KIF18A: variants seen among roughly 807,000 people sequenced by gnomAD.
KIF18A encodes kinesin-like protein KIF18A.
In KIF18A, 67 loss-of-function variants were observed where a neutral mutation model predicts 103.3. The observed-to-expected ratio is 0.65, with a 90% CI of 0.53 to 0.79. The LOEUF (loss-of-function observed/expected upper bound fraction) is 0.79, where lower values mean the gene tolerates loss of function less well. KIF18A is among the 30% of genes least tolerant of loss of function. The pLI is 0.00. For missense variants in KIF18A, 1,032 were observed against 1,062.5 expected (o/e 0.97, Z 0.40); for synonymous variants, 367 against 355.5 (o/e 1.03, Z -0.36).
rs757148003 is a variant in KIF18A, at chr11:28,055,836, G to T, written c.1948+3090C>A. ...TGCATATGAGGAATTAAGACCACAT[G>T]CAAGAAAATCAGTCTAAACAGATCC... On this transcript the variant is annotated intron_variant, in intron 13 of 16. Coordinates refer to ENST00000263181, the MANE Select transcript of KIF18A (RefSeq NM_031217.4). Among the ~76,000 whole-genome samples, 4 of 152,254 alleles carry T rather than the reference G, an allele frequency of 2.6e-5. No homozygotes were observed. The South Asian group carries it at 6.2e-4, about 24-fold the overall frequency.
intron 13 of KIF18A, among the ~76,000 whole-genome samples, chr11:28,052,944 A>G (rs1050333777): frequency 6.6e-6 from 1 of 152,188 alleles, no homozygotes; most frequent in African/African-American, 2.4e-5. Flanking sequence ...AAAAAAACAC[A>G]CTCAACTATA....
At chr11:28,036,745 A>T in intron 13 of KIF18A, 81 bp from the exon 14 acceptor site, 1 of 784,752 alleles carries the variant, frequency 1.3e-6, no homozygotes, top group Non-Finnish European at 1.9e-6. Context: ...AAACTAAGAA[A>T]CCCTAATAAT....
Position 28,083,125 on chromosome 11 carries a change from TGAA to T in KIF18A, c.1149+41_1149+43del, listed in dbSNP as rs540542429. ...AATTAAGATTATAAAATTCTATAAATGAAGAACTGCGCAAGACTAGCATAAAAA... is the reference window on the plus strand; with the variant it reads ...AATTAAGATTATAAAATTCTATAAATGAACTGCGCAAGACTAGCATAAAAA... On this transcript the variant is annotated intron_variant, in intron 8 of 16. Coordinates refer to ENST00000263181, the MANE Select transcript of KIF18A (RefSeq NM_031217.4). 2,309 of 1,560,022 alleles carry T rather than the reference TGAA, an allele frequency of 1.5e-3. 3 individuals are homozygous for T. The highest frequency in any genetic ancestry group is 3.7e-3 in the Admixed American group (167 of 44,636).
intron 13 of KIF18A, chr11:28,056,846 T>C (rs957789060): frequency 1.3e-5 from 3 of 237,254 alleles, no homozygotes; most frequent in Non-Finnish European, 2.6e-5. Flanking sequence ...AAATGTGTGC[T>C]GGGACACATT....
At chr11:28,021,331 A>G (rs1490698532) in intron 16 of KIF18A, 49 bp from the exon 17 acceptor site, 4 of 1,253,556 alleles carry the variant, frequency 3.2e-6, no homozygotes, top group Non-Finnish European at 4.1e-6. Flanking sequence ...ATATCATTCA[A>G]AAAGTTTTCA....
chr11:28,021,525 C>A (rs548562395), intron 16 of KIF18A, among the ~76,000 whole-genome samples: 29 of 152,138 alleles, frequency 1.9e-4, no homozygotes, highest in Admixed American at 6.5e-5. Context: ...ACACAGACAT[C>A]GGGTGAAGTC....
chr11:28,031,771 T>A (rs918404535), intron 15 of KIF18A, among the ~76,000 whole-genome samples: 1 of 151,750 alleles, frequency 6.6e-6, no homozygotes, highest in Admixed American at 6.6e-5. Flanking sequence ...GCTGGTACTA[T>A]CCTGAATGCA....
intron 10 of KIF18A, among the ~76,000 whole-genome samples, chr11:28,071,949 A>C (rs1851021740): frequency 6.6e-6 from 1 of 152,132 alleles, no homozygotes; most frequent in Non-Finnish European, 1.5e-5. Flanking sequence ...AGCAATATTT[A>C]ATATCAGAAA....
At chr11:28,099,993 T>C in intron 1 of KIF18A, among the ~76,000 whole-genome samples, 1 of 152,164 alleles carries the variant, frequency 6.6e-6, no homozygotes, top group Admixed American at 6.6e-5. Context: ...AGGTGGTAAG[T>C]GGTCAGATTA....
Position 28,059,104 on chromosome 11 carries a change from G to A in KIF18A, c.1770C>T (p.Ala590=), listed in dbSNP as rs370276338. The A allele has an allele frequency of 5.0e-6, 8 of 1,613,806 alleles. No homozygotes were observed. Among genetic ancestry groups the A allele is most frequent in the Non-Finnish European group, 5.1e-6 (6 of 1,179,958 alleles). The stretch of plus-strand genomic sequence containing the variant: ...ATTCAAAAGCAGCATTTGACAGGCC[G>A]GCTTCTTTTAATGTGCAATATTGTT... The part of the protein sequence containing the change: ...LRKQYCTLKE[A]GLSNAAFESD... The change falls in exon 13 of 17, where the codon GCC becomes GCT. Residue 590 remains alanine (A), a synonymous_variant. Transcript: ENST00000263181.
intron 9 of KIF18A, among the ~76,000 whole-genome samples, chr11:28,080,815 G>A (rs575906309): frequency 2.0e-5 from 3 of 152,280 alleles, no homozygotes; most frequent in South Asian, 2.1e-4. Context: ...CAAGATAGGC[G>A]AAAAGCTAGG....
intron 1 of KIF18A, among the ~76,000 whole-genome samples, chr11:28,105,200 AT>A (rs1246263501): frequency 6.6e-6 from 1 of 152,178 alleles, no homozygotes; most frequent in Non-Finnish European, 1.5e-5. Context: ...CTGTACTGTC[AT>A]TCCTATTTTA....
At position 28,091,467 on chromosome 11, in the gene KIF18A, A is replaced by C. The variant is rs1420907482; in HGVS notation, c.530T>G (p.Leu177Arg). ...IRDLLVNSGP[L>R]AVREDTQKGV... ...TTTTTGGGTATCTTCCCGGACAGCA[A>C]GTGGCCCTGAATTTACTAAGAGATC... is the stretch of plus-strand genomic sequence containing the variant. The change falls in exon 4 of 17, where the codon CTT becomes CGT. Residue 177 changes from leucine (L) to arginine (R), a missense_variant. Transcript: ENST00000263181. 6.2e-7 allele frequency: 1 copy of C among 1,612,064 alleles called. No individual in the cohort carries two copies. Among genetic ancestry groups the C allele is most frequent in the African/African-American group, 1.3e-5 (1 of 74,854 alleles).
chr11:28,064,317 C>T (rs552894557), intron 11 of KIF18A, among the ~76,000 whole-genome samples: 2 of 151,838 alleles, frequency 1.3e-5, no homozygotes, highest in African/African-American at 2.4e-5. Flanking sequence ...CAAATATATG[C>T]CCTTTATGGA....
At chr11:28,031,074 A>G (rs1428631799) in intron 15 of KIF18A, among the ~76,000 whole-genome samples, 1 of 151,928 alleles carries the variant, frequency 6.6e-6, no homozygotes, top group African/African-American at 2.4e-5. Flanking sequence ...ACACTTTTAC[A>G]CTGTTGGTGG....
intron 13 of KIF18A, chr11:28,056,670 A>G (rs1304290942): frequency 6.3e-6 from 1 of 159,508 alleles, no homozygotes; most frequent in Non-Finnish European, 1.5e-5. Flanking sequence ...AACTATTACA[A>G]GCCAAAGACT....
At position 28,070,619 on chromosome 11, in the gene KIF18A, A is replaced by G. The variant is rs1851000405; in HGVS notation, c.1426-1196T>C. 3.9e-5 allele frequency among the ~76,000 whole-genome samples: 6 copies of G among 152,346 alleles called. No individual in the cohort carries two copies. The South Asian group carries it at 1.2e-3, about 32-fold the overall frequency. On this transcript the variant is annotated intron_variant, in intron 10 of 16. Transcript: ENST00000263181. ...TAATATCCTAGTCTCTGTCTGTCAC[A>G]GTAAGACAGTAACAAAAACAAAACA...
chr11:28,096,866 C>A (rs1482452189), intron 2 of KIF18A, among the ~76,000 whole-genome samples: 4 of 45,916 alleles, frequency 8.7e-5, no homozygotes, highest in Non-Finnish European at 2.9e-4. Context: ...TCTTGGGTAT[C>A]TCTCTCTCTC....
chr11:28,045,737 T>C (rs1330759540), intron 13 of KIF18A, among the ~76,000 whole-genome samples: 3 of 151,996 alleles, frequency 2.0e-5, no homozygotes, highest in Non-Finnish European at 4.4e-5. Context: ...TAAACACTAA[T>C]GAATCAAGAA....
Sources: allele counts gnomAD v4.1 joint callset (sites outside exome capture counted in the v4.1 genomes callset), GRCh38; gene constraint gnomAD v4.1.1; transcripts MANE v1.5; gene names NCBI Gene and HGNC (gene_info 2026-07-23, HGNC 2026-07-21).